The following ESRRG variants were observed in gnomAD, a reference collection of about 807,000 sequenced individuals.
ESRRG encodes estrogen-related receptor gamma.
Under a neutral mutation model 44.0 loss-of-function variants are expected in ESRRG, and 13 were observed. The observed-to-expected ratio is 0.30, with a 90% CI of 0.19 to 0.47. ESRRG has a LOEUF of 0.47. Among genes scored for constraint, ESRRG ranks in the 20% least tolerant of loss-of-function variants. The pLI, the probability that ESRRG is intolerant of heterozygous loss-of-function variation, is 1.00. For synonymous variants in ESRRG, 215 were observed against 214.6 expected, an observed-to-expected ratio of 1.00 and a Z score of -0.02; for missense variants, 395 against 580.6, an observed-to-expected ratio of 0.68 and a Z score of 3.29.
intron 1 of ESRRG, among the ~76,000 whole-genome samples, chr1:216,956,297 G>A (rs2576230): frequency 0.66 from 99,642 of 151,908 alleles, 35,771 homozygotes; most frequent in Non-Finnish European, 0.82. Flanking sequence ...TCCTTCTCCA[G>A]TAGTTTACAT....
intron 2 of ESRRG, among the ~76,000 whole-genome samples, chr1:216,909,294 T>C (rs1421632444): frequency 6.6e-6 from 1 of 152,140 alleles, no homozygotes. Flanking sequence ...ATTTCAGTTT[T>C]CACCAAGACC....
At chr1:216,941,862 T>C (rs1374097030) in intron 1 of ESRRG, among the ~76,000 whole-genome samples, 9 of 152,200 alleles carry the variant, frequency 5.9e-5, no homozygotes, top group Admixed American at 2.6e-4. Context: ...TCTCATTTTT[T>C]CCCTTGTCTG....
At chr1:216,956,497 T>C (rs2067982933) in intron 1 of ESRRG, among the ~76,000 whole-genome samples, 1 of 152,228 alleles carries the variant, frequency 6.6e-6, no homozygotes, top group African/African-American at 2.4e-5. Flanking sequence ...CATGCTGTTT[T>C]GATCACTATC....
At position 216,526,757 on chromosome 1, in the gene ESRRG, A is replaced by G. The variant is rs139484544; in HGVS notation, c.863-7336T>C. 2.4e-3 allele frequency among the ~76,000 whole-genome samples: 368 copies of G among 152,312 alleles called. 2 individuals carry two copies. The highest frequency in any genetic ancestry group is 8.7e-3 in the African/African-American group (362 of 41,582). On this transcript the variant is annotated intron_variant, in intron 5 of 6. Transcript: ENST00000408911. ...TTCAGAATAACAAACCGAGCTAATC[A>G]TGAAGCACAAGGCTGTCTGGGTAAC...
At chr1:216,711,238 G>C (rs545853005) in intron 1 of ESRRG, among the ~76,000 whole-genome samples, 1 of 152,100 alleles carries the variant, frequency 6.6e-6, no homozygotes, top group Non-Finnish European at 1.5e-5. Context: ...GTCAAATGGT[G>C]GCTCTGGGAT....
In ESRRG at chr1:216,876,556, C is replaced by CT. The variant is rs200740246; in HGVS notation, c.-14+63025dup. On this transcript the variant is annotated intron_variant, in intron 2 of 7. Coordinates refer to the ESRRG transcript ENST00000359162. The stretch of plus-strand genomic sequence containing the variant: ...GTGGAAACAACACAAAGGAAATCTA[C>CT]TTTTTATTTGTTTTTTCAAATGATA... Among the ~76,000 whole-genome samples, 367 of 141,422 alleles carry CT rather than the reference C, an allele frequency of 2.6e-3. 2 individuals are homozygous for CT. Among genetic ancestry groups the CT allele is most frequent in the African/African-American group, 0.01 (335 of 32,158 alleles). 92.8% of individuals were successfully genotyped at this position (141,422 alleles called of 152,430 possible).
chr1:216,728,807 A>AT (rs1306325096), intron 2 of ESRRG, among the ~76,000 whole-genome samples: 1 of 152,082 alleles, frequency 6.6e-6, no homozygotes, highest in African/African-American at 2.4e-5. Flanking sequence ...AAAAAAAAAA[A>AT]AGTAAGATAT....
chr1:216,623,370 G>A (rs556025410), intron 3 of ESRRG, among the ~76,000 whole-genome samples: 2 of 152,240 alleles, frequency 1.3e-5, no homozygotes, highest in South Asian at 4.1e-4. Context: ...GATACTGCTT[G>A]CAGCATTATA....
At chr1:216,857,224 C>A (rs2149053728) in intron 2 of ESRRG, among the ~76,000 whole-genome samples, 1 of 152,008 alleles carries the variant, frequency 6.6e-6, no homozygotes, top group African/African-American at 2.4e-5. Context: ...ACAATTAAAC[C>A]CTGGAACATC....
At chr1:216,863,032 G>A (rs191317147) in intron 2 of ESRRG, 2 of 152,144 alleles carry the variant, frequency 1.3e-5, no homozygotes, top group Non-Finnish European at 2.9e-5. Flanking sequence ...AATATAAACT[G>A]TTTTGTACAA....
chr1:216,792,137 C>T (rs1277471001), intron 2 of ESRRG, among the ~76,000 whole-genome samples: 4 of 152,224 alleles, frequency 2.6e-5, no homozygotes, highest in East Asian at 1.9e-4. Context: ...TAAAGCTTAA[C>T]CAAAAGGACC....
intron 1 of ESRRG, among the ~76,000 whole-genome samples, chr1:217,043,093 T>C (rs1297806163): frequency 6.6e-6 from 1 of 152,140 alleles, no homozygotes; most frequent in African/African-American, 2.4e-5. Context: ...ACATTAAGCA[T>C]TACTTGGCAT....
chr1:217,041,464 GT>G (rs2083855578), intron 1 of ESRRG, among the ~76,000 whole-genome samples: 1 of 151,946 alleles, frequency 6.6e-6, no homozygotes, highest in Admixed American at 6.6e-5. Context: ...ATACTACATA[GT>G]TTTTTAAAAA....
chr1:216,857,834 A>G (rs1254934411), intron 2 of ESRRG, among the ~76,000 whole-genome samples: 1 of 152,178 alleles, frequency 6.6e-6, no homozygotes, highest in Non-Finnish European at 1.5e-5. Flanking sequence ...TAATTATAAC[A>G]TACAGAATAT....
At chr1:216,631,310 A>C (rs1262781698) in intron 3 of ESRRG, among the ~76,000 whole-genome samples, 2 of 152,198 alleles carry the variant, frequency 1.3e-5, no homozygotes, top group Non-Finnish European at 2.9e-5. Context: ...GAAAATCTGT[A>C]ACCATGTTAG....
At chr1:216,692,397 A>T (rs2151748058) in intron 1 of ESRRG, among the ~76,000 whole-genome samples, 1 of 152,208 alleles carries the variant, frequency 6.6e-6, no homozygotes, top group East Asian at 1.9e-4. Flanking sequence ...TCTGAAAAAT[A>T]GAAAAAACCT....
At position 216,596,351 on chromosome 1, in the gene ESRRG, C is replaced by T. The variant is rs193155094; in HGVS notation, c.590-28253G>A. Reference sequence around the variant, plus strand: ...TTCAGTGCGTGAAAACAAAAAGGGCCACTGCCCAGCTTCAGAGATGGAGGG... The same window carrying T: ...TTCAGTGCGTGAAAACAAAAAGGGCTACTGCCCAGCTTCAGAGATGGAGGG... On this transcript the variant is annotated intron_variant, in intron 3 of 6. Transcript: ENST00000408911. Among the ~76,000 whole-genome samples the T allele has an allele frequency of 1.3e-3, 204 of 152,300 alleles. 1 individual carries two copies. Among genetic ancestry groups the T allele is most frequent in the Non-Finnish European group, 2.3e-3 (156 of 68,026 alleles).
chr1:216,952,558 T>C (rs1397153668), intron 1 of ESRRG, among the ~76,000 whole-genome samples: 3 of 152,126 alleles, frequency 2.0e-5, no homozygotes, highest in Admixed American at 2.0e-4. Flanking sequence ...AAGATGGTAG[T>C]AGCAACTATG....
At position 217,003,923 on chromosome 1, in the gene ESRRG, A is replaced by G. The variant is rs1014213967; in HGVS notation, c.-105-64250T>C. 5.3e-5 allele frequency among the ~76,000 whole-genome samples: 8 copies of G among 152,242 alleles called. No individual in the cohort carries two copies. The South Asian group carries it at 1.7e-3, about 32-fold the overall frequency. Reference sequence around the variant, plus strand: ...CATCATTAATTCAATAGCACAATTAACTGAGTTTGTGACCTCAAATTTGGA... The same window carrying G: ...CATCATTAATTCAATAGCACAATTAGCTGAGTTTGTGACCTCAAATTTGGA... On this transcript the variant is annotated intron_variant, in intron 1 of 7. Transcript: ENST00000359162.
Sources: allele counts gnomAD v4.1 joint callset (sites outside exome capture counted in the v4.1 genomes callset), GRCh38; gene constraint gnomAD v4.1.1; transcripts MANE v1.5; gene names NCBI Gene and HGNC (gene_info 2026-07-23, HGNC 2026-07-21).